Variants in LRRC31 observed in about 807,000 individuals in gnomAD.
The protein encoded by LRRC31 is leucine rich repeat containing 31, also known as leucine-rich repeat-containing protein 31.
LRRC31 carries 35 observed loss-of-function variants against 46.7 expected under a neutral mutation model. The observed-to-expected ratio is 0.75, with a 90% confidence interval of 0.57 to 0.99. The LOEUF (loss-of-function observed/expected upper bound fraction) is 0.99. Ranked by LOEUF, LRRC31 falls within the 50% of genes least tolerant of loss-of-function variation. The pLI, the probability that LRRC31 is intolerant of heterozygous loss-of-function variation, is 0.00. For synonymous variants in LRRC31, 236 were observed against 235.1 expected, an observed-to-expected ratio of 1.00 and a Z score of -0.03; for missense variants, 613 against 626.1, an observed-to-expected ratio of 0.98 and a Z score of 0.22.
chr3:169,842,287 T>C (rs1219741160), intron 8 of LRRC31, among the ~76,000 whole-genome samples: 1 of 152,192 alleles, frequency 6.6e-6, no homozygotes, highest in African/African-American at 2.4e-5. Flanking sequence ...ATGTTTCTAT[T>C]AGAAAAAATA....
At chr3:169,862,807 G>T (rs1253116047) in intron 1 of LRRC31, among the ~76,000 whole-genome samples, 2 of 151,658 alleles carry the variant, frequency 1.3e-5, no homozygotes, top group Non-Finnish European at 2.9e-5. Context: ...AATAATAAAA[G>T]CTATCATTTT....
At chr3:169,865,202 A>G (rs1421542102) in intron 1 of LRRC31, among the ~76,000 whole-genome samples, 1 of 150,926 alleles carries the variant, frequency 6.6e-6, no homozygotes, top group African/African-American at 2.4e-5. Context: ...GTGAGCCGAG[A>G]TTGCGCCACT....
At position 169,839,201 on chromosome 3, in the gene LRRC31, A is replaced by G. The variant is rs1780375985; in HGVS notation, c.*781T>C. 3 of 152,286 alleles carry G rather than the reference A, an allele frequency of 2.0e-5. No individual in the cohort carries two copies. The highest frequency in any genetic ancestry group is 2.0e-4 in the Admixed American group (3 of 15,290). 9.4% of individuals were successfully genotyped at this position (152,286 alleles called of 1,614,324 possible). A position where few individuals can be genotyped will look rare whatever the true frequency, so the allele number is the denominator to read the frequency against. On this transcript the variant is annotated 3_prime_UTR_variant, in exon 9 of 9. Transcript: ENST00000316428. ...ATTAACGAATTAAATTAGTTTTATGAAGCAAATTCCATTTCAAAGAAATGC... is the reference window on the plus strand; with the variant it reads ...ATTAACGAATTAAATTAGTTTTATGGAGCAAATTCCATTTCAAAGAAATGC...
chr3:169,853,975 A>G (rs1354475930), intron 6 of LRRC31, among the ~76,000 whole-genome samples: 1 of 152,236 alleles, frequency 6.6e-6, no homozygotes, highest in Non-Finnish European at 1.5e-5. Context: ...GGAATTGCCC[A>G]TGACCTGGGG....
intron 8 of LRRC31, among the ~76,000 whole-genome samples, chr3:169,844,398 A>T (rs1483311717): frequency 6.6e-6 from 1 of 152,154 alleles, no homozygotes; most frequent in Non-Finnish European, 1.5e-5. Context: ...TAATTTGACA[A>T]AATTCGTTAT....
rs779952239 is a variant in LRRC31, at chr3:169,869,687, T to C, written c.121A>G (p.Thr41Ala). ...ESRKEDNDLK[T>A]SDSQPSDWIQ... ...CAGTCGCTGGGTTGGGAATCACTTG[T>C]TTTAAGGTCATTGTCCTCTTTTCTG... The change falls in exon 1 of 9, where the codon ACA becomes GCA. Residue 41 changes from threonine to alanine, a missense_variant. Physicochemically the swap from Thr to Ala is moderately conservative, Grantham distance 58. Transcript: ENST00000316428. 3.1e-6 allele frequency: 5 copies of C among 1,612,394 alleles called. No homozygotes were observed. In the South Asian group the frequency reaches 3.3e-5, roughly 11 times the overall value.
At chr3:169,842,865 CTT>C (rs1780493570) in intron 8 of LRRC31, among the ~76,000 whole-genome samples, 1 of 152,018 alleles carries the variant, frequency 6.6e-6, no homozygotes, top group Non-Finnish European at 1.5e-5. Context: ...AATAAAATAA[CTT>C]AAATATATTT....
chr3:169,869,535 A>T, intron 1 of LRRC31, 98 bp downstream of exon 1: 1 of 1,070,088 alleles, frequency 9.3e-7, no homozygotes, highest in Non-Finnish European at 1.3e-6. Context: ...ATATACACCT[A>T]CTATGTACCC....
intron 7 of LRRC31, among the ~76,000 whole-genome samples, chr3:169,850,676 T>TA (rs1250711700): frequency 6.6e-6 from 1 of 152,186 alleles, no homozygotes; most frequent in Non-Finnish European, 1.5e-5. Context: ...CTGCAAAATA[T>TA]AAAATGGAAC....
At chr3:169,861,646 A>C in intron 2 of LRRC31, 24 bp downstream of exon 2, 1 of 1,611,420 alleles carries the variant, frequency 6.2e-7, no homozygotes, top group Non-Finnish European at 8.5e-7. Flanking sequence ...ATCTTCCTCT[A>C]TGCAAAGTCT....
In LRRC31 at chr3:169,853,459, C is replaced by T. The variant is rs557934140; in HGVS notation, c.991+1354G>A. Reference sequence around the variant, plus strand: ...TGAACCTAGGTAAGGAAAGCTTAGTCCTCCGTTATACTAGTGGGAACAATT... The same window carrying T: ...TGAACCTAGGTAAGGAAAGCTTAGTTCTCCGTTATACTAGTGGGAACAATT... On this transcript the variant is annotated intron_variant, in intron 6 of 8. Transcript: ENST00000316428. The T allele has an allele frequency of 4.8e-5, 47 of 985,514 alleles. No homozygotes were observed. The African/African-American group carries it at 7.8e-4, about 16-fold the overall frequency. The allele number at this position is 985,514 out of a possible 1,614,324, so 61.0% of individuals were successfully genotyped here.
intron 2 of LRRC31, among the ~76,000 whole-genome samples, 175 bp downstream of exon 2, chr3:169,861,495 G>C (rs948673127): frequency 2.0e-5 from 3 of 151,636 alleles, no homozygotes; most frequent in African/African-American, 7.3e-5. Flanking sequence ...CTCCAGCCTG[G>C]GTGACAGAGC....
chr3:169,853,808 A>G (rs1255683745), intron 6 of LRRC31: 1 of 671,218 alleles, frequency 1.5e-6, no homozygotes, highest in Non-Finnish European at 1.8e-6. Flanking sequence ...TTCCTCCCCA[A>G]ATTGTACTAT....
At chr3:169,867,246 CTTTTTTTTTTTT>C (rs757102934) in intron 1 of LRRC31, among the ~76,000 whole-genome samples, 1 of 78,774 alleles carries the variant, frequency 1.3e-5, no homozygotes, top group African/African-American at 6.6e-5. Context: ...GAGATGGAGT[CTTTTTTTTTTTT>C]TTTTTTTTTG....
At chr3:169,869,450 G>A (rs1278196982) in intron 1 of LRRC31, among the ~76,000 whole-genome samples, 183 bp downstream of exon 1, 3 of 151,920 alleles carry the variant, frequency 2.0e-5, no homozygotes, top group Admixed American at 2.0e-4. Context: ...TTGAGGGGAT[G>A]GATACCCCAT....
rs1252522824 is a variant in LRRC31 at position 169,869,644 on chromosome 3, G to T, written c.164C>A (p.Thr55Asn). Residue 55 changes from threonine to asparagine, a missense_variant, in exon 1 of 9, where the codon ACC becomes AAC. By Grantham distance (65) the Thr-to-Asn change is moderately conservative. Transcript: ENST00000316428. ...QPSDWIQKTA[T>N]SETAKPLSSE... is the part of the protein sequence containing the mutation. ...AGCCAGCAGCTTACCAGTCTCTGAG[G>T]TGGCTGTCTTCTGTATCCAGTCGCT... 15 of 1,599,952 alleles carry T rather than the reference G, an allele frequency of 9.4e-6. No homozygotes were observed. Among genetic ancestry groups the T allele is most frequent in the Non-Finnish European group, 1.3e-5 (15 of 1,174,320 alleles).
chr3:169,857,683 G>C (rs188943469), intron 3 of LRRC31, among the ~76,000 whole-genome samples: 2 of 151,974 alleles, frequency 1.3e-5, no homozygotes, highest in East Asian at 3.9e-4. Flanking sequence ...CTGCCTTGCG[G>C]GTAGACACAT....
At chr3:169,861,524 A>G in intron 2 of LRRC31, 146 bp downstream of exon 2, 1 of 860,988 alleles carries the variant, frequency 1.2e-6, no homozygotes, top group Non-Finnish European at 1.7e-6. Flanking sequence ...GTCTCAAAAA[A>G]AAAAAAAAAG....
intron 1 of LRRC31, among the ~76,000 whole-genome samples, chr3:169,864,591 G>A (rs941933056): frequency 2.6e-5 from 4 of 152,200 alleles, no homozygotes; most frequent in African/African-American, 9.6e-5. Context: ...CCTTTTACCT[G>A]AGAGGTATTT....
Sources: allele counts gnomAD v4.1 joint callset (sites outside exome capture counted in the v4.1 genomes callset), GRCh38; gene constraint gnomAD v4.1.1; transcripts MANE v1.5; gene names NCBI Gene and HGNC (gene_info 2026-07-23, HGNC 2026-07-21).